Variants in ANKS1B observed in about 807,000 individuals in gnomAD.
ANKS1B encodes the protein ankyrin repeat and sterile alpha motif domain-containing protein 1B.
Under a neutral mutation model 148.3 loss-of-function variants are expected in ANKS1B, and 36 were observed. The observed-to-expected ratio is 0.24, with a 90% CI of 0.19 to 0.32. The LOEUF (loss-of-function observed/expected upper bound fraction) is 0.32. Ranked by LOEUF, ANKS1B falls within the 10% of genes least tolerant of loss-of-function variation. The pLI is 1.00. For synonymous variants in ANKS1B, 542 were observed against 560.8 expected (o/e 0.97, Z 0.47); for missense variants, 1,157 against 1,542.6 (o/e 0.75, Z 4.19).
intron 10 of ANKS1B, among the ~76,000 whole-genome samples, chr12:99,477,493 G>A (rs2096344033): frequency 6.6e-6 from 1 of 152,116 alleles, no homozygotes; most frequent in Admixed American, 6.6e-5. Context: ...GACTGTCTGG[G>A]TTTAAATCAT....
chr12:99,081,309 C>T (rs2049675294), intron 16 of ANKS1B, among the ~76,000 whole-genome samples: 1 of 152,140 alleles, frequency 6.6e-6, no homozygotes, highest in Non-Finnish European at 1.5e-5. Context: ...TTCCACAACA[C>T]AATATGTTAA....
In ANKS1B at chr12:99,742,774, G is replaced by A. The variant is rs539867394; in HGVS notation, c.1128+30148C>T. Among the ~76,000 whole-genome samples the A allele has an allele frequency of 8.7e-5, 13 of 149,192 alleles. No individual in the cohort carries two copies. The East Asian group carries it at 2.6e-3, about 29-fold the overall frequency. On this transcript the variant is annotated intron_variant, in intron 8 of 26. Transcript: ENST00000683438. ...AATCTCTTGAACCCGGGAGGCAGAG[G>A]TTGCAGTGAGCCAAGATCGCACCAC...
chr12:99,456,288 T>C (rs2095846936), intron 10 of ANKS1B, among the ~76,000 whole-genome samples: 1 of 151,996 alleles, frequency 6.6e-6, no homozygotes, highest in Non-Finnish European at 1.5e-5. Flanking sequence ...GAGTCCTAGA[T>C]CTTCTCTCTG....
intron 9 of ANKS1B, among the ~76,000 whole-genome samples, chr12:99,553,659 T>G (rs116743299): frequency 1.3e-5 from 2 of 152,212 alleles, no homozygotes; most frequent in Admixed American, 6.5e-5. Flanking sequence ...CAGCAGTTTG[T>G]TCTGCAGGCC....
intron 2 of ANKS1B, among the ~76,000 whole-genome samples, chr12:99,824,446 GC>G (rs1338976541): frequency 6.6e-6 from 1 of 151,700 alleles, no homozygotes; most frequent in African/African-American, 2.4e-5. Flanking sequence ...GTTGCAGTGA[GC>G]CACGATTGTG....
intron 10 of ANKS1B, among the ~76,000 whole-genome samples, chr12:99,445,621 T>G (rs906745480): frequency 2.0e-5 from 3 of 152,068 alleles, no homozygotes; most frequent in Admixed American, 2.0e-4. Context: ...AACTTTGTAA[T>G]TTCTGCTCAA....
At chr12:98,892,572 G>A (rs1306602892) in intron 17 of ANKS1B, among the ~76,000 whole-genome samples, 2 of 152,182 alleles carry the variant, frequency 1.3e-5, no homozygotes, top group Non-Finnish European at 2.9e-5. Flanking sequence ...AAATGCATCA[G>A]AATTCGATTC....
intron 9 of ANKS1B, among the ~76,000 whole-genome samples, chr12:99,593,653 T>C (rs949497430): frequency 2.0e-5 from 3 of 152,122 alleles, no homozygotes; most frequent in Non-Finnish European, 2.9e-5. Flanking sequence ...TTATCAAACA[T>C]AAATTGCTAA....
intron 9 of ANKS1B, among the ~76,000 whole-genome samples, chr12:99,511,418 CACAA>C (rs1198521610): frequency 5.3e-5 from 8 of 151,852 alleles, no homozygotes; most frequent in Middle Eastern, 3.2e-3. Context: ...TCAGAGATGA[CACAA>C]ACAAATGGAA....
At chr12:99,679,142 G>T (rs1045841663) in intron 8 of ANKS1B, among the ~76,000 whole-genome samples, 4 of 152,306 alleles carry the variant, frequency 2.6e-5, no homozygotes, top group Middle Eastern at 3.4e-3. Context: ...TTAAACATTT[G>T]TAAGTTGGTG....
chr12:99,532,822 C>G (rs1309325406), intron 9 of ANKS1B, among the ~76,000 whole-genome samples: 1 of 152,120 alleles, frequency 6.6e-6, no homozygotes, highest in African/African-American at 2.4e-5. Flanking sequence ...AGTCAAAGAT[C>G]AGTTGGTTGT....
intron 15 of ANKS1B, among the ~76,000 whole-genome samples, chr12:99,087,354 C>A (rs1481636297): frequency 1.3e-5 from 2 of 152,110 alleles, no homozygotes; most frequent in Non-Finnish European, 2.9e-5. Context: ...AGCATTCCAC[C>A]TACTCATAGT....
chr12:99,254,473 C>G (rs745892530), intron 12 of ANKS1B, among the ~76,000 whole-genome samples: 1 of 152,278 alleles, frequency 6.6e-6, no homozygotes, highest in Non-Finnish European at 1.5e-5. Context: ...TCTATCTCAG[C>G]TGTAGGAACT....
At chr12:99,679,196 T>C (rs2098599528) in intron 8 of ANKS1B, among the ~76,000 whole-genome samples, 1 of 152,176 alleles carries the variant, frequency 6.6e-6, no homozygotes, top group Non-Finnish European at 1.5e-5. Flanking sequence ...AAAGAAATAA[T>C]AAACAAAAGC....
intron 17 of ANKS1B, among the ~76,000 whole-genome samples, chr12:98,883,556 C>T (rs1239426041): frequency 1.3e-5 from 2 of 152,132 alleles, no homozygotes; most frequent in East Asian, 1.9e-4. Flanking sequence ...ATTTAATGTA[C>T]GATGCTTTTA....
At chr12:99,055,997 G>T (rs1050403433) in intron 16 of ANKS1B, among the ~76,000 whole-genome samples, 7 of 152,170 alleles carry the variant, frequency 4.6e-5, no homozygotes, top group Non-Finnish European at 7.4e-5. Context: ...TCTTAAAGAG[G>T]TGAGAGGGAG....
At chr12:99,138,388 T>C (rs1230755644) in intron 15 of ANKS1B, among the ~76,000 whole-genome samples, 1 of 152,208 alleles carries the variant, frequency 6.6e-6, no homozygotes, top group Non-Finnish European at 1.5e-5. Context: ...TTTCAGAAAA[T>C]GTACTAGCCC....
chr12:99,171,984 T>C (rs1306679637), intron 14 of ANKS1B, among the ~76,000 whole-genome samples: 1 of 152,116 alleles, frequency 6.6e-6, no homozygotes, highest in Non-Finnish European at 1.5e-5. Context: ...GTGCAAGATA[T>C]ATAAAATGTT....
In ANKS1B at chr12:99,152,225, C is replaced by T. The variant is rs147893727; in HGVS notation, c.2526+2064G>A. Among the ~76,000 whole-genome samples the T allele has an allele frequency of 5.7e-3, 869 of 152,214 alleles. 13 individuals carry two copies. The highest frequency in any genetic ancestry group is 0.02 in the African/African-American group (841 of 41,532). On this transcript the variant is annotated intron_variant, in intron 15 of 26. Transcript: ENST00000683438. ...AAATGGTGTATAACAGCATGTAAAG[C>T]ACTAATTGATTATACCACTTCATGA...
Sources: allele counts gnomAD v4.1 joint callset (sites outside exome capture counted in the v4.1 genomes callset), GRCh38; gene constraint gnomAD v4.1.1; transcripts MANE v1.5; gene names NCBI Gene and HGNC (gene_info 2026-07-23, HGNC 2026-07-21).